The following FAM161A variants were observed in gnomAD, a reference collection of about 807,000 sequenced individuals.
The protein encoded by FAM161A is FAM161 centrosomal protein A, also known as protein FAM161A.
In FAM161A, 57 loss-of-function variants were observed where a neutral mutation model predicts 70.9. The ratio of observed to expected loss-of-function variants is 0.80; its 90% confidence interval spans 0.65 to 1.00. The LOEUF (loss-of-function observed/expected upper bound fraction) is 1.00. Ranked by LOEUF, FAM161A falls within the 50% of genes least tolerant of loss-of-function variation. The pLI is 0.00. For synonymous variants in FAM161A, 299 were observed against 295.7 expected (o/e 1.01, Z -0.12); for missense variants, 880 against 836.0 (o/e 1.05, Z -0.65).
the FAM161A span, among the ~76,000 whole-genome samples, chr2:61,817,844 T>C: frequency 1.3e-5 from 2 of 151,652 alleles, no homozygotes; most frequent in South Asian, 4.2e-4. Flanking sequence ...CTTGCAGGAG[T>C]GGTCCCAGCT....
At chr2:61,840,625 A>C in intron 2 of FAM161A, 44 bp from the exon 3 acceptor site, 6 of 1,368,028 alleles carry the variant, frequency 4.4e-6, no homozygotes, top group Non-Finnish European at 6.2e-6. Flanking sequence ...GTTGTATGTG[A>C]CCAAATATAA....
At chr2:61,831,738 T>C (rs533828820) in intron 5 of FAM161A, among the ~76,000 whole-genome samples, 3 of 152,182 alleles carry the variant, frequency 2.0e-5, no homozygotes, top group Admixed American at 6.5e-5. Flanking sequence ...AGACAATGCA[T>C]ATAAAGTGCT....
chr2:61,820,308 G>C (rs1672176521), downstream of FAM161A: 1 of 731,060 alleles, frequency 1.4e-6, no homozygotes, highest in South Asian at 1.4e-5. Flanking sequence ...CTGAGCAATG[G>C]GGAATGCTCA....
intron 1 of FAM161A, among the ~76,000 whole-genome samples, chr2:61,846,330 G>A (rs1483453299): frequency 6.6e-6 from 1 of 152,092 alleles, no homozygotes; most frequent in Admixed American, 6.6e-5. Context: ...CAAGCAAGAA[G>A]GGGTTTCCAT....
chr2:61,808,682 C>T, the FAM161A span, among the ~76,000 whole-genome samples: 7 of 152,038 alleles, frequency 4.6e-5, no homozygotes, highest in Admixed American at 4.6e-4. Flanking sequence ...TTCTGGAATG[C>T]CTGACAAGAA....
Position 61,838,614 on chromosome 2 carries a change from G to A in FAM161A, c.1675C>T (p.Leu559=). ...TCATAAGCCTTAGCCCGGGTTGTCA[G>A]GAGTTTCTGCAATTCTTTCATTCTT... ...KQRMKELQKL[L]TTRAKAYDSH... is the part of the protein sequence containing the mutation. The change falls in exon 4 of 7, where the codon CTG becomes TTG. Residue 559 remains leucine (L), a synonymous_variant. Coordinates refer to ENST00000404929, the MANE Select transcript of FAM161A (RefSeq NM_001201543.2). 1 of 1,612,160 alleles carries A rather than the reference G, an allele frequency of 6.2e-7. No individual in the cohort carries two copies. The highest frequency in any genetic ancestry group is 1.1e-5 in the South Asian group (1 of 91,018).
chr2:61,819,262 G>T, the FAM161A span, among the ~76,000 whole-genome samples: 1 of 152,280 alleles, frequency 6.6e-6, no homozygotes, highest in South Asian at 2.1e-4. Flanking sequence ...TGGAGTTCAA[G>T]ACCAGCCTGG....
intron 5 of FAM161A, among the ~76,000 whole-genome samples, chr2:61,833,749 G>A (rs1407658574): frequency 3.3e-5 from 5 of 152,150 alleles, no homozygotes; most frequent in Non-Finnish European, 7.4e-5. Context: ...ACAGACAAAA[G>A]CTAGGTGCAG....
chr2:61,811,227 T>C, the FAM161A span, among the ~76,000 whole-genome samples: 1 of 152,172 alleles, frequency 6.6e-6, no homozygotes, highest in Non-Finnish European at 1.5e-5. Context: ...AGACAGAGTC[T>C]TACCCTGTCA....
In FAM161A at chr2:61,840,319, G is replaced by A. The variant is rs267606794; in HGVS notation, c.685C>T (p.Arg229Ter). Reference sequence around the variant, plus strand: ...GTAATTGTGGGCACCCATTCTTTTCGTTTCTTCCTTCTTTTTTCAGCTGCA... The same window carrying A: ...GTAATTGTGGGCACCCATTCTTTTCATTTCTTCCTTCTTTTTTCAGCTGCA... ...FHAAEKRRKKRKEWVPTITVP... is the reference protein window; with the variant it reads ...FHAAEKRRKK The change falls in exon 3 of 7, where the codon CGA (arginine) becomes TGA (stop). Residue 229 changes from arginine to a stop codon, truncating the protein, a stop_gained. Coordinates refer to ENST00000404929, the MANE Select transcript of FAM161A (RefSeq NM_001201543.2). LOFTEE classifies it high-confidence loss of function. 3.7e-6 allele frequency: 6 copies of A among 1,613,876 alleles called. No individual in the cohort carries two copies. The highest frequency in any genetic ancestry group is 3.3e-5 in the South Asian group (3 of 91,068).
chr2:61,849,371 G>T (rs1673416608), intron 1 of FAM161A, among the ~76,000 whole-genome samples: 2 of 151,086 alleles, frequency 1.3e-5, no homozygotes, highest in African/African-American at 4.9e-5. Flanking sequence ...CTGGTATGGT[G>T]GCATATACTT....
At chr2:61,840,679 C>A (rs1672989731) in intron 2 of FAM161A, 98 bp from the exon 3 acceptor site, 2 of 946,638 alleles carry the variant, frequency 2.1e-6, no homozygotes, top group African/African-American at 1.6e-5. Flanking sequence ...GAGACAGAGT[C>A]TCACTCTGTT....
At chr2:61,804,670 G>C in the FAM161A span, among the ~76,000 whole-genome samples, 1 of 150,688 alleles carries the variant, frequency 6.6e-6, no homozygotes, top group African/African-American at 2.4e-5. Flanking sequence ...GGGCGAAAGA[G>C]TGAGACTCTG....
intron 1 of FAM161A, chr2:61,846,916 C>T (rs1159552754): frequency 2.2e-6 from 1 of 455,010 alleles, no homozygotes; most frequent in African/African-American, 2.0e-5. Context: ...CACAGTGGTT[C>T]ATGCCTGTAA....
chr2:61,834,378 G>C (rs1010269973), intron 5 of FAM161A, among the ~76,000 whole-genome samples: 10 of 151,954 alleles, frequency 6.6e-5, no homozygotes, highest in Non-Finnish European at 1.0e-4. Flanking sequence ...GGAGGGCAAG[G>C]GTTGAAAACC....
At chr2:61,842,608 A>G (rs893515656) in intron 1 of FAM161A, among the ~76,000 whole-genome samples, 1 of 152,230 alleles carries the variant, frequency 6.6e-6, no homozygotes, top group Non-Finnish European at 1.5e-5. Flanking sequence ...CATTTGATAA[A>G]GGATGGTTCA....
At chr2:61,838,388 G>A (rs1196835629) in intron 4 of FAM161A, 150 bp downstream of exon 4, 10 of 651,588 alleles carry the variant, frequency 1.5e-5, no homozygotes, top group Non-Finnish European at 2.3e-5. Context: ...GAGTGTGTGT[G>A]CACTGAACAC....
chr2:61,849,152 T>A (rs1027868172), intron 1 of FAM161A, among the ~76,000 whole-genome samples: 15 of 124,354 alleles, frequency 1.2e-4, no homozygotes, highest in African/African-American at 4.2e-4. Context: ...ATTTATATAT[T>A]TATTTATATA....
rs1396673849 is a variant in FAM161A, at chr2:61,842,273, A to G, written c.271T>C (p.Ser91Pro). Residue 91 changes from serine to proline, a missense_variant, in exon 2 of 7, where the codon TCT (serine) becomes CCT (proline). By Grantham distance (74) the Ser-to-Pro change is moderately conservative (BLOSUM62 -1). Transcript: ENST00000404929. ...ACTTTCTTGAAATACTCCTCATTAG[A>G]GTGGTGAATATCAGGAAAGTTCACA... The part of the protein sequence containing the change: ...DFVNFPDIHH[S>P]NEEYFKKVEE... 3.1e-6 allele frequency: 5 copies of G among 1,613,028 alleles called. No individual in the cohort carries two copies. Among genetic ancestry groups the G allele is most frequent in the Non-Finnish European group, 4.2e-6 (5 of 1,179,216 alleles).
Sources: gnomAD v4.1 joint callset for allele counts (sites outside exome capture counted in the v4.1 genomes callset) on GRCh38, gnomAD v4.1.1 for gene constraint, MANE v1.5 for transcripts, NCBI Gene and HGNC (gene_info 2026-07-23, HGNC 2026-07-21) for gene names.